The following STX12 variants were observed in gnomAD, a reference collection of about 807,000 sequenced individuals.
STX12 encodes syntaxin 12.
A neutral mutation model predicts 42.2 loss-of-function variants in STX12; 17 were observed. The ratio of observed to expected loss-of-function variants is 0.40; its 90% CI spans 0.28 to 0.60. The LOEUF is 0.60. Among genes scored for constraint, STX12 ranks in the 20% least tolerant of loss-of-function variants. The pLI is 0.39. For synonymous variants in STX12, 108 were observed against 116.7 expected (o/e 0.93, Z 0.48); for missense variants, 297 against 330.9 (o/e 0.90, Z 0.79).
intron 2 of STX12, among the ~76,000 whole-genome samples, chr1:27,790,713 G>A (rs751069444): frequency 7.2e-5 from 11 of 152,148 alleles, no homozygotes; most frequent in Admixed American, 6.5e-5. Flanking sequence ...AGGCTGAGGC[G>A]GGCAGATCAC....
intron 1 of STX12, among the ~76,000 whole-genome samples, chr1:27,787,840 CA>C (rs1467708760): frequency 1.3e-5 from 2 of 152,088 alleles, no homozygotes; most frequent in Non-Finnish European, 2.9e-5. Context: ...AAATTTGGAA[CA>C]ATTAATTTTT....
chr1:27,797,645 C>T (rs899439115), intron 3 of STX12, among the ~76,000 whole-genome samples: 1 of 152,104 alleles, frequency 6.6e-6, no homozygotes. Context: ...AATCTAACCC[C>T]TTCACCTCTA....
intron 1 of STX12, among the ~76,000 whole-genome samples, chr1:27,774,265 C>G (rs1234882519): frequency 1.3e-5 from 2 of 152,144 alleles, no homozygotes. Context: ...TCCCTCCTCC[C>G]CATTAGGGTC....
Position 27,773,437 on chromosome 1 carries a change from T to C in STX12, c.118+12T>C, listed in dbSNP as rs755381064. Reference sequence around the variant, plus strand: ...GATCAGCCAAGCCAGTGAGCCGGGGTACCGAGCTGGGGGGCGGGAGCTGTC... The same window carrying C: ...GATCAGCCAAGCCAGTGAGCCGGGGCACCGAGCTGGGGGGCGGGAGCTGTC... On this transcript the variant is annotated intron_variant, in intron 1 of 8. Transcript: ENST00000373943. 5 of 1,611,826 alleles carry C rather than the reference T, an allele frequency of 3.1e-6. No individual in the cohort carries two copies. The highest frequency in any genetic ancestry group is 3.3e-5 in the Admixed American group (2 of 59,972).
Position 27,789,580 on chromosome 1 carries a change from T to G in STX12, c.137T>G (p.Leu46Trp). The change falls in exon 2 of 9, where the codon TTG (leucine) becomes TGG (tryptophan). Residue 46 changes from leucine to tryptophan, a missense_variant. Leu to Trp is a moderately conservative substitution (Grantham distance 61). Coordinates refer to ENST00000373943, the MANE Select transcript of STX12 (RefSeq NM_177424.3). ...ISQATAQIKN[L>W]MSQLGTKQDS... ...TCCCCAGCTGCTCAGATAAAGAATT[T>G]GATGAGCCAGCTAGGAACTAAGCAG... is the stretch of plus-strand genomic sequence containing the variant. The G allele has an allele frequency of 6.2e-7, 1 of 1,613,684 alleles. No individual in the cohort carries two copies. The highest frequency in any genetic ancestry group is 2.2e-5 in the East Asian group (1 of 44,872).
chr1:27,789,755 A>G (rs1188087553), intron 2 of STX12, 124 bp downstream of exon 2: 5 of 672,446 alleles, frequency 7.4e-6, no homozygotes, highest in Non-Finnish European at 1.3e-5. Flanking sequence ...GTCATGAGAT[A>G]AGAGCTGGAT....
intron 3 of STX12, among the ~76,000 whole-genome samples, chr1:27,797,304 G>C (rs2088793180): frequency 6.6e-6 from 1 of 152,228 alleles, no homozygotes; most frequent in Non-Finnish European, 1.5e-5. Flanking sequence ...TGATCCGCCT[G>C]CCTCGGCCTT....
At chr1:27,786,354 C>T (rs2088698871) in intron 1 of STX12, among the ~76,000 whole-genome samples, 1 of 152,136 alleles carries the variant, frequency 6.6e-6, no homozygotes, top group Non-Finnish European at 1.5e-5. Context: ...CACTTTGGAT[C>T]TCAGCTCAGT....
At chr1:27,791,754 G>C (rs938403690) in intron 2 of STX12, among the ~76,000 whole-genome samples, 3 of 152,096 alleles carry the variant, frequency 2.0e-5, no homozygotes, top group African/African-American at 7.2e-5. Context: ...GGCGGAGGTT[G>C]CAGTGAGCTG....
At chr1:27,819,847 G>A in intron 8 of STX12, 115 bp downstream of exon 8, 1 of 804,812 alleles carries the variant, frequency 1.2e-6, no homozygotes, top group African/African-American at 1.7e-5. Context: ...CTAAAGGAAA[G>A]TAGTCATAAT....
intron 8 of STX12, among the ~76,000 whole-genome samples, chr1:27,821,610 T>C (rs947089146): frequency 4.6e-5 from 7 of 152,192 alleles, no homozygotes; most frequent in African/African-American, 1.7e-4. Flanking sequence ...TTATAAAATG[T>C]TATTAAAATA....
intron 7 of STX12, 113 bp downstream of exon 7, chr1:27,818,036 C>A: frequency 1.3e-6 from 1 of 763,510 alleles, no homozygotes; most frequent in Non-Finnish European, 2.2e-6. Flanking sequence ...GAGTTTGAAG[C>A]CAACCTGGGC....
At chr1:27,793,893 A>G (rs2088766608) in intron 3 of STX12, among the ~76,000 whole-genome samples, 1 of 151,946 alleles carries the variant, frequency 6.6e-6, no homozygotes, top group African/African-American at 2.4e-5. Context: ...CATTATTAAT[A>G]TATTAATAAA....
intron 6 of STX12, among the ~76,000 whole-genome samples, chr1:27,812,641 A>G (rs988905266): frequency 6.6e-6 from 1 of 151,908 alleles, no homozygotes; most frequent in African/African-American, 2.4e-5. Context: ...GGGTTTCTCC[A>G]TGTTGGTCAG....
rs80194822 is a variant in STX12, at chr1:27,783,121, A to G, written c.119-6441A>G. On this transcript the variant is annotated intron_variant, in intron 1 of 8. Transcript: ENST00000373943. ...TGACTTTGATTTGACTTTGCTTTGG[A>G]TGAAGGTTCATTTGGAGATTCAGAT... Among the ~76,000 whole-genome samples the G allele has an allele frequency of 8.4e-3, 1,284 of 152,236 alleles. 10 individuals carry two copies. Among genetic ancestry groups the G allele is most frequent in the Non-Finnish European group, 0.012 (808 of 68,016 alleles).
At chr1:27,810,974 AGT>A (rs1040022045) in intron 5 of STX12, among the ~76,000 whole-genome samples, 3 of 152,028 alleles carry the variant, frequency 2.0e-5, no homozygotes, top group Admixed American at 1.3e-4. Flanking sequence ...AAAATTTCAA[AGT>A]GTTTTATATC....
chr1:27,792,162 ATATG>A (rs1395504759), intron 2 of STX12, among the ~76,000 whole-genome samples: 4 of 131,458 alleles, frequency 3.0e-5, no homozygotes, highest in South Asian at 2.1e-4. Flanking sequence ...GTGTATCTAT[ATATG>A]TATATACATA....
intron 4 of STX12, among the ~76,000 whole-genome samples, chr1:27,804,242 A>G (rs2088845051): frequency 6.6e-6 from 1 of 151,528 alleles, no homozygotes; most frequent in Non-Finnish European, 1.5e-5. Flanking sequence ...CCTGGCCAAC[A>G]TGGAGAAACC....
In STX12 at chr1:27,801,804, T is replaced by G; in HGVS notation, c.415T>G (p.Ser139Ala). 7.0e-6 allele frequency: 11 copies of G among 1,579,618 alleles called. No individual in the cohort carries two copies. The highest frequency in any genetic ancestry group is 1.4e-5 in the African/African-American group (1 of 72,524). Residue 139 changes from serine (S) to alanine (A), a missense_variant, in exon 4 of 9, where the codon TCT (serine) becomes GCT (alanine). Coordinates refer to ENST00000373943, the MANE Select transcript of STX12 (RefSeq NM_177424.3). ...GAGTATTGCCAGAGCAAGAGCTGGA[T>G]CTCGTCTTTCTGTAAGTTGATTCCC... ...KESIARARAGSRLSAEERQRE... is the reference protein window; with the variant it reads ...KESIARARAGARLSAEERQRE...
Sources: allele counts gnomAD v4.1 joint callset (sites outside exome capture counted in the v4.1 genomes callset), GRCh38; gene constraint gnomAD v4.1.1; transcripts MANE v1.5; gene names NCBI Gene and HGNC (gene_info 2026-07-23, HGNC 2026-07-21).